The following RPH3A variants were observed in gnomAD, a reference collection of about 807,000 sequenced individuals.
RPH3A encodes rabphilin-3A.
In RPH3A, 48 loss-of-function variants were observed where a neutral mutation model predicts 102.2. The observed-to-expected ratio is 0.47, with a 90% CI of 0.37 to 0.60. The LOEUF (loss-of-function observed/expected upper bound fraction) is 0.60, where lower values mean the gene tolerates loss of function less well. Among genes scored for constraint, RPH3A ranks in the 20% least tolerant of loss-of-function variants. RPH3A has a pLI of 0.00. For synonymous variants in RPH3A, 310 were observed against 324.3 expected, an observed-to-expected ratio of 0.96 and a Z score of 0.47; for missense variants, 781 against 910.1, an observed-to-expected ratio of 0.86 and a Z score of 1.83.
intron 1 of RPH3A, among the ~76,000 whole-genome samples, chr12:112,584,603 T>C (rs564168340): frequency 1.3e-5 from 2 of 152,278 alleles, no homozygotes; most frequent in East Asian, 3.9e-4. Context: ...GGCTCAGAAG[T>C]CCAGGGACAG....
In RPH3A at chr12:112,888,898, G is replaced by A. The variant is rs892352984; in HGVS notation, c.1563+975G>A. ...GATAATTCAGGCTGCCTTGCCTTACGTATGGGCCAACTTGGGCCCAGAAAG... is the reference window on the plus strand; with the variant it reads ...GATAATTCAGGCTGCCTTGCCTTACATATGGGCCAACTTGGGCCCAGAAAG... On this transcript the variant is annotated intron_variant, in intron 17 of 21. Transcript: ENST00000389385. 7.9e-5 allele frequency among the ~76,000 whole-genome samples: 12 copies of A among 152,192 alleles called. 1 individual carries two copies. The South Asian group carries it at 1.0e-3, about 13-fold the overall frequency.
intron 1 of RPH3A, among the ~76,000 whole-genome samples, chr12:112,705,137 T>C (rs141432808): frequency 1.1e-4 from 17 of 152,290 alleles, no homozygotes; most frequent in African/African-American, 4.1e-4. Flanking sequence ...ACCATGTCCA[T>C]ATGCCAGCCA....
intron 1 of RPH3A, among the ~76,000 whole-genome samples, chr12:112,722,905 T>A (rs2040560678): frequency 6.6e-6 from 1 of 152,230 alleles, no homozygotes; most frequent in African/African-American, 2.4e-5. Context: ...AGCTCTATTT[T>A]GTTTGAGTAT....
At chr12:112,755,298 T>TACACACACAC (rs58229294) in intron 1 of RPH3A, among the ~76,000 whole-genome samples, 2 of 145,778 alleles carry the variant, frequency 1.4e-5, no homozygotes, top group Admixed American at 1.4e-4. Context: ...TATATGTATA[T>TACACACACAC]ACACACACAC....
At chr12:112,840,728 G>C (rs982427259) in intron 4 of RPH3A, among the ~76,000 whole-genome samples, 1 of 152,170 alleles carries the variant, frequency 6.6e-6, no homozygotes, top group Non-Finnish European at 1.5e-5. Flanking sequence ...AGGTTCTACA[G>C]TGGGCAGTAA....
intron 1 of RPH3A, among the ~76,000 whole-genome samples, chr12:112,728,431 A>C (rs1180174163): frequency 6.6e-6 from 1 of 152,148 alleles, no homozygotes; most frequent in Admixed American, 6.5e-5. Context: ...ACAGGCATCA[A>C]ATGAACGCCC....
At chr12:112,843,315 A>G (rs1470462182) in intron 4 of RPH3A, among the ~76,000 whole-genome samples, 5 of 152,220 alleles carry the variant, frequency 3.3e-5, no homozygotes, top group Non-Finnish European at 7.3e-5. Flanking sequence ...GAAAATCCAC[A>G]GGAGGCTTGC....
rs1565882517 is a variant in RPH3A at position 112,791,904 on chromosome 12, G to GAGAGAGAGAGAGAGAGAGAGAGAGAGAC, written c.-247_-246insGAGAGAGAGAGAGAGAGAGAGAGAGACA. 1 of 151,120 alleles carries GAGAGAGAGAGAGAGAGAGAGAGAGAGAC rather than the reference G, an allele frequency of 6.6e-6. No homozygotes were observed. Among genetic ancestry groups the GAGAGAGAGAGAGAGAGAGAGAGAGAGAC allele is most frequent in the Non-Finnish European group, 1.5e-5 (1 of 67,766 alleles). 9.4% of individuals were successfully genotyped at this position (151,120 alleles called of 1,614,324 possible). Reference sequence around the variant, plus strand: ...AGAGAGAGAGAGAGAGAGAGAGAGAGACTCACAGAGCTAAAACCTTCATCC... The same window carrying GAGAGAGAGAGAGAGAGAGAGAGAGAGAC: ...AGAGAGAGAGAGAGAGAGAGAGAGAGAGAGAGAGAGAGAGAGAGAGAGAGAGACACTCACAGAGCTAAAACCTTCATCC... On this transcript the variant is annotated 5_prime_UTR_variant, in exon 1 of 22. Transcript: ENST00000389385.
At chr12:112,755,845 T>C (rs1404078953) in intron 1 of RPH3A, among the ~76,000 whole-genome samples, 1 of 152,164 alleles carries the variant, frequency 6.6e-6, no homozygotes, top group Admixed American at 6.5e-5. Context: ...TTTGCAGTGA[T>C]TTATTAGGCA....
intron 13 of RPH3A, 106 bp from the exon 14 acceptor site, chr12:112,879,013 G>A: frequency 1.0e-6 from 1 of 982,134 alleles, no homozygotes; most frequent in Non-Finnish European, 1.6e-6. Context: ...CTTCTCTTCT[G>A]TGGTCTCAAT....
At chr12:112,595,516 T>G (rs2039510137) in intron 1 of RPH3A, among the ~76,000 whole-genome samples, 1 of 152,194 alleles carries the variant, frequency 6.6e-6, no homozygotes, top group Admixed American at 6.5e-5. Context: ...CTCCTTCCCC[T>G]TTTGCCTCAT....
At chr12:112,637,541 G>A (rs1464077993) in intron 1 of RPH3A, among the ~76,000 whole-genome samples, 1 of 152,092 alleles carries the variant, frequency 6.6e-6, no homozygotes, top group African/African-American at 2.4e-5. Flanking sequence ...TTGGCTTGGA[G>A]GATTATAAAG....
At chr12:112,583,200 G>C (rs564789193) in intron 1 of RPH3A, among the ~76,000 whole-genome samples, 2 of 152,094 alleles carry the variant, frequency 1.3e-5, no homozygotes, top group South Asian at 4.2e-4. Context: ...GGCTAATAAC[G>C]ACATTATCCT....
At chr12:112,823,416 G>C (rs1258634398) in intron 2 of RPH3A, among the ~76,000 whole-genome samples, 14 of 152,210 alleles carry the variant, frequency 9.2e-5, no homozygotes, top group Admixed American at 8.5e-4. Context: ...AGGATTGTAA[G>C]GAGTAAAGCA....
chr12:112,607,397 G>C (rs2039604360), intron 1 of RPH3A, among the ~76,000 whole-genome samples: 1 of 152,126 alleles, frequency 6.6e-6, no homozygotes, highest in South Asian at 2.1e-4. Context: ...TTTTTTAAAT[G>C]CAGGAATTGA....
At chr12:112,664,853 A>G (rs1162892934) in intron 1 of RPH3A, among the ~76,000 whole-genome samples, 2 of 151,760 alleles carry the variant, frequency 1.3e-5, no homozygotes, top group Non-Finnish European at 2.9e-5. Flanking sequence ...TTTCTGTTTC[A>G]GAGATCTCTT....
At chr12:112,775,081 T>C (rs2040956735) in intron 1 of RPH3A, among the ~76,000 whole-genome samples, 1 of 150,558 alleles carries the variant, frequency 6.6e-6, no homozygotes, top group African/African-American at 2.4e-5. Flanking sequence ...GGAGGCAGAG[T>C]ATTAGGAAGG....
At position 112,641,105 on chromosome 12, in the gene RPH3A, A is replaced by T. The variant is rs76476928; in HGVS notation, c.-140+65786A>T. ...ATGTGGCCATAAATCTCCTAATCAG[A>T]CATGATAAACATCTGATTGCAGCCA... On this transcript the variant is annotated intron_variant, in intron 1 of 21. Transcript: ENST00000543106. Among the ~76,000 whole-genome samples the T allele has an allele frequency of 3.8e-3, 579 of 152,346 alleles. 3 individuals are homozygous for T. Among genetic ancestry groups the T allele is most frequent in the African/African-American group, 0.014 (566 of 41,572 alleles).
intron 1 of RPH3A, among the ~76,000 whole-genome samples, chr12:112,579,523 T>TA (rs896420973): frequency 1.3e-5 from 2 of 151,660 alleles, no homozygotes; most frequent in East Asian, 3.8e-4. Flanking sequence ...CCTCTTGTAT[T>TA]AAAAAAAAAT....
Sources: allele counts gnomAD v4.1 joint callset (sites outside exome capture counted in the v4.1 genomes callset), GRCh38; gene constraint gnomAD v4.1.1; transcripts MANE v1.5; gene names NCBI Gene and HGNC (gene_info 2026-07-23, HGNC 2026-07-21).